RFX3: variants seen among roughly 807,000 people sequenced by gnomAD.
The protein encoded by RFX3 is transcription factor RFX3.
In RFX3, 14 loss-of-function variants were observed where a neutral mutation model predicts 98.6. The ratio of observed to expected loss-of-function variants is 0.14; its 90% confidence interval spans 0.09 to 0.22. The LOEUF (loss-of-function observed/expected upper bound fraction) is 0.22, where lower values mean the gene tolerates loss of function less well. Among genes scored for constraint, RFX3 ranks in the 10% least tolerant of loss-of-function variants. The pLI is 1.00. For missense variants in RFX3, 639 were observed against 926.9 expected (o/e 0.69, Z 4.03); for synonymous variants, 383 against 328.4 (o/e 1.17, Z -1.80).
chr9:3,303,771 GT>G (rs567812965), intron 4 of RFX3, among the ~76,000 whole-genome samples: 1 of 151,954 alleles, frequency 6.6e-6, no homozygotes, highest in Non-Finnish European at 1.5e-5. Flanking sequence ...TTTCTGGACA[GT>G]TTTTTAAGAG....
chr9:3,484,491 G>T (rs890325892), intron 1 of RFX3, among the ~76,000 whole-genome samples: 1 of 152,042 alleles, frequency 6.6e-6, no homozygotes, highest in South Asian at 2.1e-4. Flanking sequence ...CAAAATGAGA[G>T]CTGATTAACC....
chr9:3,455,499 T>C (rs1564122974), intron 1 of RFX3, among the ~76,000 whole-genome samples: 1 of 152,240 alleles, frequency 6.6e-6, no homozygotes, highest in Non-Finnish European at 1.5e-5. Flanking sequence ...ATTACTTGGT[T>C]AATGTCTACC....
chr9:3,433,218 T>A (rs1172160230), intron 1 of RFX3, among the ~76,000 whole-genome samples: 1 of 152,064 alleles, frequency 6.6e-6, no homozygotes, highest in Admixed American at 6.6e-5. Context: ...TGTATTTCCA[T>A]AAAGTCACAC....
chr9:3,520,676 T>C, intron 1 of RFX3, among the ~76,000 whole-genome samples: 1 of 152,134 alleles, frequency 6.6e-6, no homozygotes, highest in Non-Finnish European at 1.5e-5. Flanking sequence ...TTGCATTCGT[T>C]TCTGTTTTTG....
At chr9:3,380,892 T>C (rs74945471) in intron 2 of RFX3, among the ~76,000 whole-genome samples, 4,119 of 152,240 alleles carry the variant, frequency 0.027, 193 homozygotes, top group African/African-American at 0.095. Context: ...TTAAAGAGTA[T>C]GAATTTGTTT....
intron 1 of RFX3, among the ~76,000 whole-genome samples, chr9:3,438,388 C>T (rs1201500224): frequency 6.6e-6 from 1 of 151,578 alleles, no homozygotes; most frequent in African/African-American, 2.4e-5. Flanking sequence ...GGAGCTAGGT[C>T]AAGAGGACAA....
Position 3,478,409 on chromosome 9 carries a change from CT to C in RFX3, c.-9+47337del, listed in dbSNP as rs200717765. ...GTGGCCACCGAGTTCTCTGCTAGAA[CT>C]TTTTTTTTTTTTTTTTTTAGGATCT... On this transcript the variant is annotated intron_variant, in intron 1 of 16. Transcript: ENST00000617270. Among the ~76,000 whole-genome samples, 1,045 of 127,824 alleles carry C rather than the reference CT, an allele frequency of 8.2e-3. 4 individuals are homozygous for C. The highest frequency in any genetic ancestry group is 0.019 in the African/African-American group (657 of 35,428). The allele number at this position is 127,824 out of a possible 152,430, so 83.9% of individuals were successfully genotyped here.
intron 1 of RFX3, among the ~76,000 whole-genome samples, chr9:3,456,074 G>C (rs1847121970): frequency 6.6e-6 from 1 of 152,230 alleles, no homozygotes; most frequent in South Asian, 2.1e-4. Context: ...AGGCAGAAGA[G>C]CACGCTCCTG....
intron 7 of RFX3, among the ~76,000 whole-genome samples, chr9:3,283,393 T>C (rs928210853): frequency 6.6e-6 from 1 of 151,812 alleles, no homozygotes; most frequent in Admixed American, 6.6e-5. Context: ...TAGTCTATTA[T>C]GAATTTCTAT....
intron 1 of RFX3, among the ~76,000 whole-genome samples, chr9:3,454,296 C>A (rs140489094): frequency 6.6e-6 from 1 of 152,098 alleles, no homozygotes; most frequent in Non-Finnish European, 1.5e-5. Context: ...AGGCAACACT[C>A]GAGAGAAGAA....
At chr9:3,247,946 T>G in intron 15 of RFX3, 86 bp downstream of exon 15, 2 of 1,613,430 alleles carry the variant, frequency 1.2e-6, no homozygotes, top group African/African-American at 1.3e-5. Flanking sequence ...AACCATGGTT[T>G]TAATCAATAA....
intron 2 of RFX3, among the ~76,000 whole-genome samples, chr9:3,375,405 G>A (rs997151915): frequency 5.9e-5 from 9 of 152,002 alleles, no homozygotes; most frequent in African/African-American, 9.7e-5. Context: ...GGCATGCTGC[G>A]GCCACATTTA....
At chr9:3,321,350 A>T (rs550177458) in intron 4 of RFX3, among the ~76,000 whole-genome samples, 1 of 152,304 alleles carries the variant, frequency 6.6e-6, no homozygotes, top group South Asian at 2.1e-4. Context: ...TTTGATAAAA[A>T]ATTTCCACAT....
intron 5 of RFX3, among the ~76,000 whole-genome samples, chr9:3,293,756 C>T (rs1022050422): frequency 2.0e-5 from 3 of 151,946 alleles, no homozygotes; most frequent in Non-Finnish European, 4.4e-5. Flanking sequence ...TTTAATTTAT[C>T]TCAAATTACC....
intron 1 of RFX3, among the ~76,000 whole-genome samples, chr9:3,452,692 T>C (rs1183561403): frequency 6.6e-6 from 1 of 152,214 alleles, no homozygotes; most frequent in Non-Finnish European, 1.5e-5. Flanking sequence ...AGACATACTT[T>C]GCACTCTATA....
At chr9:3,521,833 C>A (rs2133939057) in intron 1 of RFX3, among the ~76,000 whole-genome samples, 1 of 152,146 alleles carries the variant, frequency 6.6e-6, no homozygotes, top group East Asian at 1.9e-4. Flanking sequence ...AACCAAATTT[C>A]ACTTTATTCA....
chr9:3,484,013 C>A (rs142491854), intron 1 of RFX3, among the ~76,000 whole-genome samples: 2 of 152,008 alleles, frequency 1.3e-5, no homozygotes, highest in African/African-American at 2.4e-5. Context: ...TATATAACAT[C>A]CCAGGTGAAT....
intron 15 of RFX3, among the ~76,000 whole-genome samples, chr9:3,229,925 T>C (rs371611240): frequency 1.4e-4 from 21 of 152,300 alleles, no homozygotes; most frequent in African/African-American, 5.1e-4. Context: ...CCTAGACAAG[T>C]ACTGTTCTTC....
intron 2 of RFX3, among the ~76,000 whole-genome samples, chr9:3,346,977 C>T (rs1834504576): frequency 6.6e-6 from 1 of 152,118 alleles, no homozygotes; most frequent in Admixed American, 6.5e-5. Context: ...CTGTAACTTC[C>T]CTGCAGGTAT....
Sources: allele counts gnomAD v4.1 joint callset (sites outside exome capture counted in the v4.1 genomes callset), GRCh38; gene constraint gnomAD v4.1.1; transcripts MANE v1.5; gene names NCBI Gene and HGNC (gene_info 2026-07-23, HGNC 2026-07-21).